The following ATOSA variants were observed in gnomAD, a reference collection of about 807,000 sequenced individuals.
ATOSA encodes atos homolog A.
At chr15:52,608,619 A>T in the ATOSA span, 63 of 1,607,156 alleles carry the variant, frequency 3.9e-5, no homozygotes, top group African/African-American at 8.1e-4. Flanking sequence ...AGTCTTTTAT[A>T]CTTCTTCTCT....
At chr15:52,651,862 C>A in the ATOSA span, 1 of 1,535,418 alleles carries the variant, frequency 6.5e-7, no homozygotes, top group Non-Finnish European at 8.7e-7. Flanking sequence ...AAACACTTCA[C>A]TACACACCTT....
the ATOSA span, among the ~76,000 whole-genome samples, chr15:52,616,012 T>C: frequency 6.6e-6 from 1 of 152,234 alleles, no homozygotes. Flanking sequence ...TCTAGTACTA[T>C]TCCCAGTCAA....
At chr15:52,602,731 A>G in the ATOSA span, among the ~76,000 whole-genome samples, 2 of 152,156 alleles carry the variant, frequency 1.3e-5, no homozygotes, top group East Asian at 1.9e-4. Flanking sequence ...ATAGATGGAT[A>G]CATTTTCCCC....
the ATOSA span, among the ~76,000 whole-genome samples, chr15:52,661,904 T>C: frequency 8.7e-6 from 1 of 114,748 alleles, no homozygotes; most frequent in Non-Finnish European, 1.6e-5. Context: ...AAAGGAGTTA[T>C]GCCAGCAGAA....
the ATOSA span, chr15:52,658,828 A>AT: frequency 2.6e-6 from 1 of 386,158 alleles, no homozygotes; most frequent in African/African-American, 2.1e-5. Flanking sequence ...AAAAAAAAAA[A>AT]GTTAAAAATC....
the ATOSA span, chr15:52,585,127 A>G: frequency 9.4e-5 from 48 of 509,292 alleles, no homozygotes; most frequent in South Asian, 1.3e-3. Flanking sequence ...ATTTTTTAAA[A>G]GGTTCAATTT....
At chr15:52,606,631 C>A in the ATOSA span, among the ~76,000 whole-genome samples, 1 of 152,058 alleles carries the variant, frequency 6.6e-6, no homozygotes, top group Admixed American at 6.6e-5. Context: ...AATATCACGG[C>A]CAGATTTAAG....
chr15:52,692,634 A>G, the ATOSA span, among the ~76,000 whole-genome samples: 1 of 152,002 alleles, frequency 6.6e-6, no homozygotes, highest in African/African-American at 2.4e-5. Context: ...GATTACAGGC[A>G]TGAGCCACTG....
At chr15:52,584,973 TAA>T in the ATOSA span, 1 of 1,526,636 alleles carries the variant, frequency 6.6e-7, no homozygotes, top group Admixed American at 2.0e-5. Context: ...AATTATTCTT[TAA>T]AAATAGTGAT....
the ATOSA span, among the ~76,000 whole-genome samples, chr15:52,653,951 T>C: frequency 1.3e-5 from 2 of 152,156 alleles, no homozygotes; most frequent in South Asian, 2.1e-4. Flanking sequence ...ATTGTTTAAA[T>C]AAGGAAGTTA....
At chr15:52,678,223 GT>G in the ATOSA span, 45 of 643,860 alleles carry the variant, frequency 7.0e-5, no homozygotes, top group African/African-American at 6.7e-4. Flanking sequence ...ACCAACTGCG[GT>G]GACAGCACCC....
At chr15:52,584,953 A>G in the ATOSA span, 1 of 1,580,480 alleles carries the variant, frequency 6.3e-7, no homozygotes. Context: ...GTCTGAAGAA[A>G]CAATATAGAA....
At chr15:52,621,007 A>G in the ATOSA span, among the ~76,000 whole-genome samples, 4 of 152,198 alleles carry the variant, frequency 2.6e-5, no homozygotes, top group African/African-American at 9.6e-5. Flanking sequence ...GTGAATAAAA[A>G]TTCTCCTTCT....
At chr15:52,633,733 G>A in the ATOSA span, among the ~76,000 whole-genome samples, 1 of 152,062 alleles carries the variant, frequency 6.6e-6, no homozygotes, top group African/African-American at 2.4e-5. Context: ...AATGTTAAAG[G>A]AAGTTCTTCT....
At chr15:52,706,631 G>A in the ATOSA span, among the ~76,000 whole-genome samples, 2 of 152,132 alleles carry the variant, frequency 1.3e-5, no homozygotes, top group Non-Finnish European at 2.9e-5. Context: ...CCAAATCCGG[G>A]AAAGTTGAGC....
the ATOSA span, chr15:52,611,106 C>CA: frequency 1.9e-6 from 3 of 1,555,676 alleles, no homozygotes; most frequent in Non-Finnish European, 2.6e-6. Flanking sequence ...ACGCACTGTC[C>CA]TTTTTTTTTG....
chr15:52,610,921 ATAT>A, the ATOSA span, among the ~76,000 whole-genome samples: 1 of 152,220 alleles, frequency 6.6e-6, no homozygotes, highest in Non-Finnish European at 1.5e-5. Flanking sequence ...AGTTCTCTTG[ATAT>A]TATTCATACC....
At chr15:52,590,035 GC>G in the ATOSA span, among the ~76,000 whole-genome samples, 1 of 152,058 alleles carries the variant, frequency 6.6e-6, no homozygotes, top group Non-Finnish European at 1.5e-5. Context: ...TTATCCGCCT[GC>G]CCCAGCCTCC....
the ATOSA span, chr15:52,600,212 T>C: frequency 6.2e-7 from 1 of 1,609,280 alleles, no homozygotes; most frequent in Non-Finnish European, 8.5e-7. Context: ...TGGATCATCT[T>C]CAATGTTTAA....
Sources: allele counts gnomAD v4.1 joint callset (sites outside exome capture counted in the v4.1 genomes callset), GRCh38; gene constraint gnomAD v4.1.1; transcripts MANE v1.5; gene names NCBI Gene and HGNC (gene_info 2026-07-23, HGNC 2026-07-21).